DIP2C: variants seen among roughly 807,000 people sequenced by gnomAD.
The protein encoded by DIP2C is DIP2 acetate--CoA ligase C (putative).
A neutral mutation model predicts 192.4 loss-of-function variants in DIP2C; 33 were observed. The observed-to-expected ratio is 0.17, with a 90% CI of 0.13 to 0.23. DIP2C has a LOEUF of 0.23. Among genes scored for constraint, DIP2C ranks in the 10% least tolerant of loss-of-function variants. The pLI is 1.00. For missense variants in DIP2C, 1,537 were observed against 2,110.1 expected, an observed-to-expected ratio of 0.73 and a Z score of 5.32; for synonymous variants, 979 against 864.1, an observed-to-expected ratio of 1.13 and a Z score of -2.33.
rs1271490163 is a variant in DIP2C at position 276,365 on chromosome 10, GTGTA to G, written c.*956_*959del. 6.5e-6 allele frequency: 1 copy of G among 152,674 alleles called. No homozygotes were observed. Among genetic ancestry groups the G allele is most frequent in the East Asian group, 1.9e-4 (1 of 5,202 alleles). The allele number at this position is 152,674 out of a possible 1,614,324, so 9.5% of individuals were successfully genotyped here. A position where few individuals can be genotyped will look rare whatever the true frequency, so the allele number is the denominator to read the frequency against. ...GTCTGCGACTGCTGGCAACAGCAGA[GTGTA>G]TGTGAGTACGGGGGGCACACCATGC... On this transcript the variant is annotated 3_prime_UTR_variant, in exon 37 of 37. Coordinates refer to ENST00000280886, the MANE Select transcript of DIP2C (RefSeq NM_014974.3).
At chr10:366,933 C>T (rs1960295809) in intron 18 of DIP2C, among the ~76,000 whole-genome samples, 1 of 152,194 alleles carries the variant, frequency 6.6e-6, no homozygotes, top group South Asian at 2.1e-4. Flanking sequence ...TCATGCTTTG[C>T]CCAACAACAT....
At chr10:478,506 C>G (rs1166622605) in intron 2 of DIP2C, among the ~76,000 whole-genome samples, 8 of 151,542 alleles carry the variant, frequency 5.3e-5, no homozygotes, top group East Asian at 2.0e-4. Context: ...AAATTCCCAT[C>G]TTATTCTCAC....
intron 1 of DIP2C, chr10:650,041 C>T: frequency 1.4e-6 from 1 of 695,104 alleles, no homozygotes; most frequent in Non-Finnish European, 2.6e-6. Context: ...CTGAGCCTTT[C>T]CTCCTGCATC....
intron 36 of DIP2C, among the ~76,000 whole-genome samples, 170 bp from the exon 37 acceptor site, chr10:277,747 G>C (rs555434976): frequency 2.0e-5 from 3 of 151,902 alleles, no homozygotes; most frequent in African/African-American, 7.2e-5. Context: ...TCCCCATACA[G>C]ACTTCCTGGC....
Position 277,234 on chromosome 10 carries a change from G to C in DIP2C, c.*91C>G. ...CTCTCACCACAAATGGCTGTATTCT[G>C]GTGAGTGTTGCCCTGTGTCTGCACG... On this transcript the variant is annotated 3_prime_UTR_variant, in exon 37 of 37. Transcript: ENST00000280886. The C allele has an allele frequency of 4.5e-6, 7 of 1,540,602 alleles. No homozygotes were observed. Among genetic ancestry groups the C allele is most frequent in the Admixed American group, 1.8e-5 (1 of 56,636 alleles).
chr10:503,001 T>C (rs900843483), intron 1 of DIP2C, among the ~76,000 whole-genome samples: 13 of 150,820 alleles, frequency 8.6e-5, no homozygotes, highest in Admixed American at 3.3e-4. Context: ...CCTGCAGACT[T>C]ATTACAATTC....
chr10:344,204 ATTTCT>A (rs1958300645), intron 28 of DIP2C, among the ~76,000 whole-genome samples: 1 of 152,162 alleles, frequency 6.6e-6, no homozygotes, highest in Admixed American at 6.5e-5. Flanking sequence ...ATCTGAAAAC[ATTTCT>A]TTTCAAAAGC....
intron 1 of DIP2C, among the ~76,000 whole-genome samples, chr10:508,242 C>T (rs936602614): frequency 6.6e-6 from 1 of 152,176 alleles, no homozygotes; most frequent in African/African-American, 2.4e-5. Context: ...TTACCCATGT[C>T]AGGCTCCATC....
intron 1 of DIP2C, among the ~76,000 whole-genome samples, chr10:576,112 T>C (rs767052172): frequency 7.9e-5 from 12 of 152,240 alleles, no homozygotes; most frequent in Non-Finnish European, 1.3e-4. Flanking sequence ...ACGGGTTTGC[T>C]GACCAAGAAT....
In DIP2C at chr10:417,764, C is replaced by T. The variant is rs1204696639; in HGVS notation, c.739+1301G>A. Reference sequence around the variant, plus strand: ...TCAGGGCTCGGATAGGCATCCCTGTCCACCTGCACCTGTCAGGGCTCGGAT... The same window carrying T: ...TCAGGGCTCGGATAGGCATCCCTGTTCACCTGCACCTGTCAGGGCTCGGAT... On this transcript the variant is annotated intron_variant, in intron 6 of 36. Coordinates refer to ENST00000280886, the MANE Select transcript of DIP2C (RefSeq NM_014974.3). 3.3e-4 allele frequency among the ~76,000 whole-genome samples: 41 copies of T among 123,530 alleles called. 2 individuals carry two copies. Among genetic ancestry groups the T allele is most frequent in the African/African-American group, 3.7e-4 (11 of 29,338 alleles). 81.0% of individuals were successfully genotyped at this position (123,530 alleles called of 152,430 possible).
chr10:412,270 G>T (rs1432957537), intron 8 of DIP2C, among the ~76,000 whole-genome samples: 1 of 152,216 alleles, frequency 6.6e-6, no homozygotes, highest in Admixed American at 6.5e-5. Context: ...AAACACCCAA[G>T]TGAACGTCTA....
chr10:615,407 TATG>T (rs1853391167), intron 1 of DIP2C, among the ~76,000 whole-genome samples: 2 of 152,226 alleles, frequency 1.3e-5, no homozygotes, highest in African/African-American at 4.8e-5. Context: ...CACAGGTGAC[TATG>T]AGGTCTGGCT....
At chr10:390,206 C>T in intron 12 of DIP2C, 58 bp downstream of exon 12, 1 of 1,596,562 alleles carries the variant, frequency 6.3e-7, no homozygotes, top group Non-Finnish European at 8.6e-7. Context: ...CCGTCAGAAA[C>T]ACACGTTAGT....
chr10:536,872 T>G (rs1015633720), intron 1 of DIP2C, among the ~76,000 whole-genome samples: 2 of 152,250 alleles, frequency 1.3e-5, no homozygotes, highest in Admixed American at 6.5e-5. Flanking sequence ...AGTTCTGTGT[T>G]CTACTTGAGT....
chr10:544,001 A>G (rs1848143618), intron 1 of DIP2C, among the ~76,000 whole-genome samples: 1 of 152,266 alleles, frequency 6.6e-6, no homozygotes, highest in East Asian at 1.9e-4. Flanking sequence ...GAGTGGGCAC[A>G]TAGTGCGTGA....
intron 1 of DIP2C, among the ~76,000 whole-genome samples, chr10:545,578 G>A (rs1848241125): frequency 6.6e-6 from 1 of 152,186 alleles, no homozygotes; most frequent in African/African-American, 2.4e-5. Flanking sequence ...TGAGGACCCG[G>A]AGGATCGAAC....
chr10:525,506 T>C (rs1352360113), intron 1 of DIP2C, among the ~76,000 whole-genome samples: 4 of 152,234 alleles, frequency 2.6e-5, no homozygotes, highest in African/African-American at 7.2e-5. Flanking sequence ...ACAAAGTGTT[T>C]GAGGAAAAGT....
chr10:567,423 C>G (rs1193515996), intron 1 of DIP2C, among the ~76,000 whole-genome samples: 5 of 152,106 alleles, frequency 3.3e-5, no homozygotes, highest in Admixed American at 3.3e-4. Context: ...AACTCCTGAC[C>G]TCGTGATCCA....
At chr10:285,253 G>A (rs1955047134) in intron 34 of DIP2C, among the ~76,000 whole-genome samples, 1 of 152,140 alleles carries the variant, frequency 6.6e-6, no homozygotes, top group South Asian at 2.1e-4. Flanking sequence ...ACCCACGTGC[G>A]TGTAGAAACG....
Sources: allele counts gnomAD v4.1 joint callset (sites outside exome capture counted in the v4.1 genomes callset), GRCh38; gene constraint gnomAD v4.1.1; transcripts MANE v1.5; gene names NCBI Gene and HGNC (gene_info 2026-07-23, HGNC 2026-07-21).